Variants in CROCC2 observed in about 807,000 individuals in gnomAD.
The protein encoded by CROCC2 is ciliary rootlet coiled-coil protein 2.
Under a neutral mutation model 177.6 loss-of-function variants are expected in CROCC2, and 163 were observed. That is an observed-to-expected ratio of 0.92 (90% CI 0.81 to 1.05). The LOEUF (loss-of-function observed/expected upper bound fraction) is 1.05. CROCC2 is among the 50% of genes least tolerant of loss of function. The pLI is 0.00. For missense variants in CROCC2, 1,929 were observed against 1,797.8 expected, an observed-to-expected ratio of 1.07 and a Z score of -1.32; for synonymous variants, 904 against 787.3, an observed-to-expected ratio of 1.15 and a Z score of -2.48.
At position 240,922,822 on chromosome 2, in the gene CROCC2, T is replaced by A. The variant is rs560013367; in HGVS notation, c.488+177T>A. ...GGCCTGGCAGGGCAGGGCAGGGGGC[T>A]GGAGAAGGCACGGCTGGGAAGGGGG... is the stretch of plus-strand genomic sequence containing the variant. On this transcript the variant is annotated intron_variant, in intron 4 of 31. Transcript: ENST00000690015. Among the ~76,000 whole-genome samples, 9 of 152,136 alleles carry A rather than the reference T, an allele frequency of 5.9e-5. No individual in the cohort carries two copies. The East Asian group carries it at 1.6e-3, about 26-fold the overall frequency.
At chr2:240,934,848 T>C in intron 12 of CROCC2, 68 bp from the exon 13 acceptor site, 1 of 1,417,710 alleles carries the variant, frequency 7.1e-7, no homozygotes, top group East Asian at 2.8e-5. Flanking sequence ...GCTCACTCCT[T>C]TCCCAGCGGC....
Position 240,959,369 on chromosome 2 carries a change from C to G in CROCC2, c.3012C>G (p.Ala1004=). The change falls in exon 20 of 32, where the codon GCC becomes GCG. Residue 1004 remains alanine, a synonymous_variant. Coordinates refer to ENST00000690015, the MANE Select transcript of CROCC2 (RefSeq NM_001351305.2). Reference sequence around the variant, plus strand: ...CCCAGTTTGAGGATGCCATCACAGCCCATCAGAGGGAGACCACGGCCCTAC... The same window carrying G: ...CCCAGTTTGAGGATGCCATCACAGCGCATCAGAGGGAGACCACGGCCCTAC... ...LQAQFEDAIT[A]HQRETTALRE... 1 of 1,550,572 alleles carries G rather than the reference C, an allele frequency of 6.4e-7. No homozygotes were observed. The highest frequency in any genetic ancestry group is 2.4e-5 in the East Asian group (1 of 40,918).
chr2:240,983,971 G>T (rs2106491319), intron 28 of CROCC2, among the ~76,000 whole-genome samples: 2 of 152,272 alleles, frequency 1.3e-5, no homozygotes, highest in Middle Eastern at 3.4e-3. Flanking sequence ...GCCTGTGCAG[G>T]TGCCCCACAA....
chr2:240,991,089 AC>A, intron 30 of CROCC2, 106 bp from the exon 31 acceptor site: 2 of 744,198 alleles, frequency 2.7e-6, no homozygotes, highest in Non-Finnish European at 4.2e-6. Context: ...GGAGCTGTGG[AC>A]CATGGCCTCC....
At position 240,993,270 on chromosome 2, in the gene CROCC2, G is replaced by A. The variant is rs1416587425; in HGVS notation, c.*189G>A. 1 of 539,696 alleles carries A rather than the reference G, an allele frequency of 1.9e-6. No individual in the cohort carries two copies. The allele number at this position is 539,696 out of a possible 1,614,324, so 33.4% of individuals were successfully genotyped here. A position where few individuals can be genotyped will look rare whatever the true frequency, so the allele number is the denominator to read the frequency against. The stretch of plus-strand genomic sequence containing the variant: ...GGGAACATTTGAAATGCATGTGGGG[G>A]CCTCCGAATTTTGAATTTTAATAAA... On this transcript the variant is annotated 3_prime_UTR_variant, in exon 32 of 32. Transcript: ENST00000690015.
At chr2:240,912,507 A>T (rs1269850083) in intron 1 of CROCC2, among the ~76,000 whole-genome samples, 2 of 152,238 alleles carry the variant, frequency 1.3e-5, no homozygotes. Context: ...GACACAACTC[A>T]GGACTAGCCG....
At chr2:240,937,695 G>C (rs2059478545) in intron 14 of CROCC2, among the ~76,000 whole-genome samples, 3 of 152,220 alleles carry the variant, frequency 2.0e-5, no homozygotes, top group South Asian at 4.1e-4. Flanking sequence ...TGGACAGCAG[G>C]GGTTCTCCAC....
At chr2:240,926,959 C>T (rs1296297243) in intron 5 of CROCC2, among the ~76,000 whole-genome samples, 9 of 152,344 alleles carry the variant, frequency 5.9e-5, no homozygotes, top group Middle Eastern at 3.4e-3. Context: ...CTGAGGATCC[C>T]GGGAGCCGAT....
In CROCC2 at chr2:240,968,119, T is replaced by C; in HGVS notation, c.4268-10T>C. 7.0e-7 allele frequency: 1 copy of C among 1,430,934 alleles called. No individual in the cohort carries two copies. Among genetic ancestry groups the C allele is most frequent in the Non-Finnish European group, 9.1e-7 (1 of 1,093,296 alleles). The allele number at this position is 1,430,934 out of a possible 1,614,324, so 88.6% of individuals were successfully genotyped here. A position where few individuals can be genotyped will look rare whatever the true frequency, so the allele number is the denominator to read the frequency against. ...TGGGGGCCCCTCAAGCCACCCTGCTTGCCCCACAGGCCAGCGCCGGGTGGA... is the reference window on the plus strand; with the variant it reads ...TGGGGGCCCCTCAAGCCACCCTGCTCGCCCCACAGGCCAGCGCCGGGTGGA... On this transcript the variant is annotated splice_polypyrimidine_tract_variant and intron_variant, in intron 26 of 31. Coordinates refer to ENST00000690015, the MANE Select transcript of CROCC2 (RefSeq NM_001351305.2).
rs2059419884 is a variant in CROCC2, at chr2:240,930,277, C to T, written c.749+8C>T. 2.0e-6 allele frequency: 1 copy of T among 507,976 alleles called. No homozygotes were observed. Among genetic ancestry groups the T allele is most frequent in the South Asian group, 3.2e-5 (1 of 31,344 alleles). 31.5% of individuals were successfully genotyped at this position (507,976 alleles called of 1,614,324 possible). ...GCGTGTAGCCACTGAGAGGTGAGTG[C>T]CAGCCGCCCCACCTGGGGCCAGGCA... On this transcript the variant is annotated splice_region_variant and intron_variant, in intron 6 of 31. Transcript: ENST00000690015.
chr2:240,964,119 G>C (rs2059660612), intron 21 of CROCC2: 1 of 533,160 alleles, frequency 1.9e-6, no homozygotes, highest in African/African-American at 1.9e-5. Flanking sequence ...GGCCCCTGTG[G>C]GGCAGCTGGG....
chr2:240,956,881 G>A (rs1189783378), intron 19 of CROCC2, among the ~76,000 whole-genome samples: 1 of 152,166 alleles, frequency 6.6e-6, no homozygotes, highest in African/African-American at 2.4e-5. Flanking sequence ...GGTGGCCAGA[G>A]CCCAGCGATA....
chr2:240,937,548 T>C (rs931368598), intron 14 of CROCC2, among the ~76,000 whole-genome samples: 11 of 152,220 alleles, frequency 7.2e-5, no homozygotes, highest in Admixed American at 3.3e-4. Context: ...ATCTATTTCT[T>C]TTTTTAGTTT....
chr2:240,926,139 G>A (rs550699647), intron 5 of CROCC2, among the ~76,000 whole-genome samples: 44 of 152,332 alleles, frequency 2.9e-4, no homozygotes, highest in South Asian at 2.3e-3. Flanking sequence ...CACTGGGGCC[G>A]CACCCCAGCT....
chr2:240,985,913 CAG>C (rs1309480293), intron 28 of CROCC2: 1 of 456,202 alleles, frequency 2.2e-6, no homozygotes, highest in Non-Finnish European at 4.4e-6. Context: ...CAGGTGAGGG[CAG>C]AGTGGGCACA....
intron 18 of CROCC2, chr2:240,955,560 A>G: frequency 2.9e-6 from 1 of 341,724 alleles, no homozygotes; most frequent in Non-Finnish European, 5.4e-6. Flanking sequence ...GCAGGATTTT[A>G]GACAGGCAGA....
At chr2:240,964,864 G>A (rs1467427187) in intron 22 of CROCC2, among the ~76,000 whole-genome samples, 1 of 152,174 alleles carries the variant, frequency 6.6e-6, no homozygotes, top group African/African-American at 2.4e-5. Context: ...AGGAGGAAGG[G>A]AACCATGCCC....
In CROCC2 at chr2:240,961,985, AC is replaced by A. The variant is rs200050682; in HGVS notation, c.3088-1569del. ...CACCACGTACAGAGAGGACACTTGC[AC>A]CGGCCCACACACACACTCATCACCC... is the stretch of plus-strand genomic sequence containing the variant. On this transcript the variant is annotated intron_variant, in intron 20 of 31. Transcript: ENST00000690015. 0.014 allele frequency among the ~76,000 whole-genome samples: 2,047 copies of A among 147,286 alleles called. 88 individuals carry two copies. The East Asian group carries it at 0.16, about 12-fold the overall frequency.
At chr2:240,981,017 GGGTAGGA>G in intron 27 of CROCC2, among the ~76,000 whole-genome samples, 5 of 103,082 alleles carry the variant, frequency 4.9e-5, no homozygotes, top group Admixed American at 2.0e-4. Flanking sequence ...TCAGTCTCTG[GGGTAGGA>G]GCCTCAGGAG....
Sources: allele counts gnomAD v4.1 joint callset (sites outside exome capture counted in the v4.1 genomes callset), GRCh38; gene constraint gnomAD v4.1.1; transcripts MANE v1.5; gene names NCBI Gene and HGNC (gene_info 2026-07-23, HGNC 2026-07-21).